Variants in CHCHD3 observed in about 807,000 individuals in gnomAD.
The protein encoded by CHCHD3 is coiled-coil-helix-coiled-coil-helix domain containing 3, also known as MICOS complex subunit MIC19.
Under a neutral mutation model 38.2 loss-of-function variants are expected in CHCHD3, and 20 were observed. The ratio of observed to expected loss-of-function variants is 0.52; its 90% CI spans 0.37 to 0.76. The LOEUF (loss-of-function observed/expected upper bound fraction) is 0.76, where lower values mean the gene tolerates loss of function less well. Among genes scored for constraint, CHCHD3 ranks in the 30% least tolerant of loss-of-function variants. The pLI is 0.00. For synonymous variants in CHCHD3, 82 were observed against 100.0 expected (o/e 0.82, Z 1.07); for missense variants, 245 against 279.2 (o/e 0.88, Z 0.87).
intron 3 of CHCHD3, among the ~76,000 whole-genome samples, chr7:133,018,619 A>T (rs556379135): frequency 3.9e-5 from 6 of 152,346 alleles, no homozygotes; most frequent in Non-Finnish European, 2.9e-5. Flanking sequence ...CAAGTGTTCA[A>T]CACTATACTA....
intron 3 of CHCHD3, among the ~76,000 whole-genome samples, chr7:133,007,740 T>C (rs140199795): frequency 0.017 from 2,538 of 152,352 alleles, 33 homozygotes; most frequent in Non-Finnish European, 0.026. Flanking sequence ...TTTAGCTTCC[T>C]GATTAATTTA....
At chr7:132,829,782 T>A (rs922768968) in intron 6 of CHCHD3, among the ~76,000 whole-genome samples, 3 of 152,206 alleles carry the variant, frequency 2.0e-5, no homozygotes, top group African/African-American at 7.2e-5. Context: ...TTTGGTCTTG[T>A]GACCATGTTC....
At chr7:132,874,393 A>G (rs753152684) in intron 5 of CHCHD3, among the ~76,000 whole-genome samples, 2 of 152,190 alleles carry the variant, frequency 1.3e-5, no homozygotes, top group East Asian at 1.9e-4. Flanking sequence ...AGCAAGTCCT[A>G]TAGATTCTTT....
intron 2 of CHCHD3, among the ~76,000 whole-genome samples, chr7:133,044,245 T>C (rs572922074): frequency 2.5e-4 from 38 of 152,326 alleles, no homozygotes; most frequent in Middle Eastern, 3.4e-3. Flanking sequence ...ACTTAAATAA[T>C]TGTTTTATTG....
At chr7:133,037,797 G>A (rs1438965989) in intron 2 of CHCHD3, among the ~76,000 whole-genome samples, 1 of 152,128 alleles carries the variant, frequency 6.6e-6, no homozygotes, top group Non-Finnish European at 1.5e-5. Context: ...TGGCGACAGA[G>A]CGAGAGACTG....
intron 3 of CHCHD3, among the ~76,000 whole-genome samples, chr7:133,005,217 A>T (rs984133863): frequency 6.6e-6 from 1 of 152,188 alleles, no homozygotes; most frequent in Non-Finnish European, 1.5e-5. Flanking sequence ...TATCAAACAA[A>T]CAAAAAACAA....
At chr7:133,017,755 C>T (rs1813068458) in intron 3 of CHCHD3, among the ~76,000 whole-genome samples, 1 of 152,058 alleles carries the variant, frequency 6.6e-6, no homozygotes, top group Non-Finnish European at 1.5e-5. Context: ...AACAGTGTAG[C>T]ATCAGTAGGA....
intron 2 of CHCHD3, among the ~76,000 whole-genome samples, chr7:133,048,141 T>TA (rs201731222): frequency 1.9e-3 from 258 of 137,024 alleles, no homozygotes; most frequent in Middle Eastern, 3.8e-3. Flanking sequence ...CTAGGTTAAA[T>TA]AAAAAAAAAA....
At chr7:132,954,786 C>T (rs993966994) in intron 4 of CHCHD3, among the ~76,000 whole-genome samples, 4 of 152,124 alleles carry the variant, frequency 2.6e-5, no homozygotes, top group South Asian at 2.1e-4. Flanking sequence ...ATGCACTCGA[C>T]GTCCCTCGCC....
chr7:133,041,416 T>C (rs1434439021), intron 2 of CHCHD3, among the ~76,000 whole-genome samples: 1 of 152,238 alleles, frequency 6.6e-6, no homozygotes, highest in African/African-American at 2.4e-5. Context: ...ATCTACTTCC[T>C]GTTTAATGAT....
intron 2 of CHCHD3, among the ~76,000 whole-genome samples, chr7:133,065,354 T>G (rs1814638667): frequency 6.6e-6 from 1 of 152,198 alleles, no homozygotes; most frequent in African/African-American, 2.4e-5. Context: ...AAAGTTTCAG[T>G]AAAGTCTTCA....
At chr7:133,076,439 G>A (rs1211002168) in intron 1 of CHCHD3, among the ~76,000 whole-genome samples, 2 of 152,060 alleles carry the variant, frequency 1.3e-5, no homozygotes, top group Admixed American at 6.6e-5. Flanking sequence ...CTAATATAAG[G>A]GGCAATCAAA....
chr7:132,835,733 T>C (rs976563306), intron 6 of CHCHD3, among the ~76,000 whole-genome samples: 8 of 152,182 alleles, frequency 5.3e-5, no homozygotes, highest in Non-Finnish European at 7.4e-5. Context: ...AGGGGATGAA[T>C]TGTGTGTCCT....
intron 5 of CHCHD3, among the ~76,000 whole-genome samples, chr7:132,853,620 T>C (rs1808275140): frequency 6.6e-6 from 1 of 152,044 alleles, no homozygotes; most frequent in Non-Finnish European, 1.5e-5. Flanking sequence ...ATATTCTGTC[T>C]CAAAAAAATA....
chr7:133,078,207 G>T (rs1302416766), intron 1 of CHCHD3, among the ~76,000 whole-genome samples: 1 of 152,172 alleles, frequency 6.6e-6, no homozygotes, highest in Admixed American at 6.5e-5. Context: ...TACTCAGGAG[G>T]CTGAAGCAGG....
chr7:132,969,447 T>C (rs537504209), intron 4 of CHCHD3, among the ~76,000 whole-genome samples: 1 of 152,340 alleles, frequency 6.6e-6, no homozygotes, highest in South Asian at 2.1e-4. Context: ...ACTGGTGCAG[T>C]ATCTGAGGCC....
rs761728727 is a variant in CHCHD3 at position 132,882,147 on chromosome 7, C to T, written c.453+3515G>A. Among the ~76,000 whole-genome samples, 74 of 152,210 alleles carry T rather than the reference C, an allele frequency of 4.9e-4. 1 individual carries two copies. Among genetic ancestry groups the T allele is most frequent in the Admixed American group, 3.3e-3 (50 of 15,278 alleles). ...CTTTCCAGCTTTCAAGGGGCTTTTA[C>T]ACACTCATCTGATCTACCCCCAATC... is the stretch of plus-strand genomic sequence containing the variant. On this transcript the variant is annotated intron_variant, in intron 5 of 7. Transcript: ENST00000262570.
chr7:133,041,677 T>G (rs1204537000), intron 2 of CHCHD3, among the ~76,000 whole-genome samples: 1 of 152,214 alleles, frequency 6.6e-6, no homozygotes, highest in African/African-American at 2.4e-5. Context: ...CAAAATTCAC[T>G]AAGCAGAATG....
At chr7:132,846,902 T>C (rs917046271) in intron 5 of CHCHD3, among the ~76,000 whole-genome samples, 4 of 152,246 alleles carry the variant, frequency 2.6e-5, no homozygotes, top group Non-Finnish European at 5.9e-5. Context: ...TGTGTTCAAC[T>C]ACAATAATAG....
Sources: gnomAD v4.1 joint callset for allele counts (sites outside exome capture counted in the v4.1 genomes callset) on GRCh38, gnomAD v4.1.1 for gene constraint, MANE v1.5 for transcripts, NCBI Gene and HGNC (gene_info 2026-07-23, HGNC 2026-07-21) for gene names.